Variants in CSMD1 observed in about 807,000 individuals in gnomAD.
CSMD1 encodes CUB and sushi domain-containing protein 1.
CSMD1 carries 213 observed loss-of-function variants against 417.5 expected under a neutral mutation model. The ratio of observed to expected loss-of-function variants is 0.51; its 90% CI spans 0.46 to 0.57. CSMD1 has a LOEUF of 0.57. Ranked by LOEUF, CSMD1 falls within the 20% of genes least tolerant of loss-of-function variation. The pLI, the probability that CSMD1 is intolerant of heterozygous loss-of-function variation, is 0.00. For missense variants in CSMD1, 6,923 were observed against 4,529.7 expected, an observed-to-expected ratio of 1.53 and a Z score of -15.17; for synonymous variants, 2,862 against 1,736.8, an observed-to-expected ratio of 1.65 and a Z score of -16.11.
At chr8:3,346,739 T>C (rs1337761863) in intron 22 of CSMD1, among the ~76,000 whole-genome samples, 1 of 152,238 alleles carries the variant, frequency 6.6e-6, no homozygotes, top group Non-Finnish European at 1.5e-5. Context: ...GTGTTTTCCC[T>C]TTTAGTTGGC....
chr8:3,856,504 G>A (rs1404476935), intron 5 of CSMD1, among the ~76,000 whole-genome samples: 1 of 152,198 alleles, frequency 6.6e-6, no homozygotes, highest in Non-Finnish European at 1.5e-5. Flanking sequence ...AGAACTGCAT[G>A]AGGATCAAAT....
At chr8:3,672,742 A>C (rs1422270847) in intron 7 of CSMD1, among the ~76,000 whole-genome samples, 2 of 152,112 alleles carry the variant, frequency 1.3e-5, no homozygotes, top group African/African-American at 4.8e-5. Context: ...GATGTATTTA[A>C]ACCAGGCAAA....
intron 1 of CSMD1, among the ~76,000 whole-genome samples, chr8:4,776,477 G>C (rs751448413): frequency 6.6e-6 from 1 of 152,146 alleles, no homozygotes; most frequent in African/African-American, 2.4e-5. Context: ...AGAACAAGAA[G>C]CAGAGTTGTG....
At chr8:4,162,928 CT>C (rs1292416273) in intron 3 of CSMD1, among the ~76,000 whole-genome samples, 1 of 152,168 alleles carries the variant, frequency 6.6e-6, no homozygotes, top group Non-Finnish European at 1.5e-5. Flanking sequence ...AACCACTGGT[CT>C]TTTTACTGTC....
At chr8:4,392,253 T>G (rs1185215844) in intron 3 of CSMD1, among the ~76,000 whole-genome samples, 1 of 152,156 alleles carries the variant, frequency 6.6e-6, no homozygotes, top group African/African-American at 2.4e-5. Context: ...GGATATAAAC[T>G]GAAGAGTTAT....
intron 5 of CSMD1, among the ~76,000 whole-genome samples, chr8:3,862,944 A>C (rs1340564047): frequency 2.0e-5 from 3 of 152,126 alleles, no homozygotes; most frequent in Non-Finnish European, 2.9e-5. Context: ...AAACAGCAGA[A>C]ATTTATAGTT....
At chr8:4,652,373 CTTCCATTCTGTTTTTTTGTCTG>C (rs1008659670) in intron 1 of CSMD1, among the ~76,000 whole-genome samples, 1 of 100,494 alleles carries the variant, frequency 1.0e-5, no homozygotes, top group Non-Finnish European at 2.1e-5. Context: ...ACATATGAGA[CTTCCATTCTGTTTTTTTGTCTG>C]TTTCATTCTG....
intron 26 of CSMD1, among the ~76,000 whole-genome samples, chr8:3,272,664 T>G (rs1801954474): frequency 7.2e-6 from 1 of 139,236 alleles, no homozygotes; most frequent in Non-Finnish European, 1.6e-5. Flanking sequence ...GTAAGTTGGA[T>G]TCCTAGGTAT....
chr8:3,877,996 A>G (rs1805944058), intron 5 of CSMD1, among the ~76,000 whole-genome samples: 1 of 152,086 alleles, frequency 6.6e-6, no homozygotes, highest in Non-Finnish European at 1.5e-5. Flanking sequence ...ACTGAATGTA[A>G]ATGATAAAAC....
At chr8:3,038,079 A>C (rs1810817006) in intron 50 of CSMD1, among the ~76,000 whole-genome samples, 1 of 152,118 alleles carries the variant, frequency 6.6e-6, no homozygotes, top group Admixed American at 6.6e-5. Flanking sequence ...ATATTTGAGC[A>C]GACTTAGATC....
intron 7 of CSMD1, among the ~76,000 whole-genome samples, chr8:3,671,500 TATATATATATATGATCATATATATGATC>T (rs1799038975): frequency 3.3e-4 from 2 of 6,048 alleles, no homozygotes; most frequent in African/African-American, 1.5e-3. Flanking sequence ...TATGATCATA[TATATATATATATGATCATATATATGATC>T]ATATATATAT....
At chr8:3,312,568 G>C (rs1002154143) in intron 23 of CSMD1, among the ~76,000 whole-genome samples, 1 of 152,132 alleles carries the variant, frequency 6.6e-6, no homozygotes, top group African/African-American at 2.4e-5. Context: ...GGATTTGATG[G>C]TTCACACACA....
chr8:4,535,910 T>C (rs1230851725), intron 2 of CSMD1, among the ~76,000 whole-genome samples: 1 of 152,242 alleles, frequency 6.6e-6, no homozygotes, highest in Non-Finnish European at 1.5e-5. Flanking sequence ...TAACTCTTTG[T>C]TGTTGATGTT....
chr8:4,164,948 T>A (rs1026131869), intron 3 of CSMD1, among the ~76,000 whole-genome samples: 2 of 152,146 alleles, frequency 1.3e-5, no homozygotes. Flanking sequence ...GACTTCATTA[T>A]CTGTTTCAAC....
intron 2 of CSMD1, among the ~76,000 whole-genome samples, chr8:4,460,219 G>C (rs1005192070): frequency 6.6e-5 from 10 of 151,966 alleles, no homozygotes; most frequent in African/African-American, 1.7e-4. Flanking sequence ...ATACGTGGAA[G>C]TTAAAAAAAT....
chr8:4,431,593 C>T (rs1176548510), intron 2 of CSMD1, among the ~76,000 whole-genome samples: 1 of 152,132 alleles, frequency 6.6e-6, no homozygotes, highest in African/African-American at 2.4e-5. Flanking sequence ...GAGGCTACCT[C>T]TTTGTGGCAA....
intron 12 of CSMD1, among the ~76,000 whole-genome samples, chr8:3,450,019 T>A (rs1030995765): frequency 1.3e-5 from 2 of 152,206 alleles, no homozygotes; most frequent in African/African-American, 4.8e-5. Context: ...CTCCTCCTCA[T>A]CGATGTGGTC....
intron 1 of CSMD1, among the ~76,000 whole-genome samples, chr8:4,657,362 G>A (rs1048870903): frequency 6.6e-6 from 1 of 152,102 alleles, no homozygotes; most frequent in African/African-American, 2.4e-5. Flanking sequence ...TTTTTGTTTT[G>A]TATTTCCTTT....
chr8:4,831,533 C>G (rs1305067616), intron 1 of CSMD1, among the ~76,000 whole-genome samples: 1 of 151,740 alleles, frequency 6.6e-6, no homozygotes, highest in East Asian at 1.9e-4. Context: ...TTTTTAATAT[C>G]AGAAGATAAT....
Sources: gnomAD v4.1 joint callset for allele counts (sites outside exome capture counted in the v4.1 genomes callset) on GRCh38, gnomAD v4.1.1 for gene constraint, MANE v1.5 for transcripts, NCBI Gene and HGNC (gene_info 2026-07-23, HGNC 2026-07-21) for gene names.